Variants in OC90 observed in about 807,000 individuals in gnomAD.
OC90 encodes otoconin 90.
A neutral mutation model predicts 47.3 loss-of-function variants in OC90; 46 were observed. The ratio of observed to expected loss-of-function variants is 0.97; its 90% CI spans 0.77 to 1.24. The LOEUF is 1.24. Among genes scored for constraint, OC90 ranks in the 50% most tolerant of loss-of-function variants. The pLI, the probability that OC90 is intolerant of heterozygous loss-of-function variation, is 0.00. For missense variants in OC90, 688 were observed against 583.9 expected (o/e 1.18, Z -1.84); for synonymous variants, 271 against 219.5 (o/e 1.23, Z -2.07).
chr8:132,026,537 C>A (rs189014440), intron 13 of OC90, among the ~76,000 whole-genome samples: 1 of 152,326 alleles, frequency 6.6e-6, no homozygotes, highest in Non-Finnish European at 1.5e-5. Flanking sequence ...CTGCATTTGT[C>A]TTATGATAGC....
chr8:132,033,184 T>C lies in OC90; in HGVS notation c.734-20A>G, dbSNP rs1188580248. The C allele has an allele frequency of 1.9e-6, 3 of 1,598,802 alleles. No homozygotes were observed. The highest frequency in any genetic ancestry group is 1.1e-5 in the South Asian group (1 of 88,276). ...CAGATCCTGAAAATGAAAAACTTCA[T>C]GATTCGGATTCAAAAAGTGGCTCAA... is the stretch of plus-strand genomic sequence containing the variant. On this transcript the variant is annotated intron_variant, in intron 10 of 13. Coordinates refer to ENST00000254627, the MANE Select transcript of OC90 (RefSeq NM_001080399.3).
chr8:132,041,535 C>T lies in OC90; in HGVS notation c.334G>A (p.Glu112Lys). 6.2e-7 allele frequency: 1 copy of T among 1,611,036 alleles called. No homozygotes were observed. The highest frequency in any genetic ancestry group is 8.5e-7 in the Non-Finnish European group (1 of 1,178,570). The change falls in exon 5 of 14, where the codon GAA becomes AAA. Residue 112 changes from glutamate to lysine, a missense_variant. Glu to Lys is a moderately conservative substitution (Grantham distance 56). Transcript: ENST00000254627. Reference protein sequence around the residue: ...RFEMEGLPVDESDSCCFQHRR... With the variant: ...RFEMEGLPVDKSDSCCFQHRR... ...GTGGAACTCACTTACCTGTCAGATT[C>T]ATCCACAGGCAACCCTTCCATCTCA...
rs779384968 is a variant in OC90 at position 132,024,778 on chromosome 8, T to C, written c.1139-2A>G. 8 of 1,609,924 alleles carry C rather than the reference T, an allele frequency of 5.0e-6. No individual in the cohort carries two copies. The highest frequency in any genetic ancestry group is 6.8e-6 in the Non-Finnish European group (8 of 1,177,694). The stretch of plus-strand genomic sequence containing the variant: ...TCTCACACAGGCTTTGGCCCCCACC[T>C]TAGAAGGAAAGAGCAGAGTAGAAGC... On this transcript the variant is annotated splice_acceptor_variant, in intron 13 of 13. Transcript: ENST00000254627. LOFTEE classifies it high-confidence loss of function.
In OC90 at chr8:132,031,900, G is replaced by T. The variant is rs773532320; in HGVS notation, c.1012C>A (p.Pro338Thr). The T allele has an allele frequency of 6.2e-7, 1 of 1,613,872 alleles. No homozygotes were observed. The highest frequency in any genetic ancestry group is 8.5e-7 in the Non-Finnish European group (1 of 1,179,806). ...CYCGQEGRGE[P>T]RDDLDRCCLS... is the part of the protein sequence containing the mutation. ...CCATACCTGTCTAGGTCATCCCTTG[G>T]CTCGCCTCTTCCTTCTTGTCCACAG... The change falls in exon 12 of 14, where the codon CCA (proline) becomes ACA (threonine). Residue 338 changes from proline to threonine, a missense_variant. Pro to Thr is a conservative substitution (Grantham distance 38). Transcript: ENST00000254627.
rs573978323 is a variant in OC90, at chr8:132,043,602, G to A, written c.169+831C>T. ...ACAGGGTCACAAGACGGAGCTTAAG[G>A]GCATCAGGAGTAGTTTGTGAGGACC... is the stretch of plus-strand genomic sequence containing the variant. On this transcript the variant is annotated intron_variant, in intron 4 of 13. Transcript: ENST00000254627. 3.2e-4 allele frequency among the ~76,000 whole-genome samples: 48 copies of A among 152,240 alleles called. 1 individual carries two copies. The South Asian group carries it at 3.7e-3, about 12-fold the overall frequency.
intron 6 of OC90, among the ~76,000 whole-genome samples, 181 bp from the exon 7 acceptor site, chr8:132,039,304 C>A (rs2102103): frequency 2.6e-5 from 4 of 151,804 alleles, no homozygotes; most frequent in Admixed American, 2.6e-4. Flanking sequence ...GAGGTCCATA[C>A]CCACTCCTCT....
chr8:132,051,772 G>T (rs1823214371), intron 2 of OC90, among the ~76,000 whole-genome samples: 1 of 152,194 alleles, frequency 6.6e-6, no homozygotes, highest in South Asian at 2.1e-4. Context: ...GCAGTCCAAT[G>T]CTGGGAAGCA....
At position 132,024,496 on chromosome 8, in the gene OC90, A is replaced by G. The variant is rs11991659; in HGVS notation, c.1419T>C (p.Pro473=). ...CTCTGGGCATCTATCTTCCATGAAG[A>G]GGCCCGATCCCCAAGGGACCCAGTG... ...RKSLGPLGIG[P]LHGR Residue 473 remains proline, a synonymous_variant, in exon 14 of 14, where the codon CCT becomes CCC. Coordinates refer to ENST00000254627, the MANE Select transcript of OC90 (RefSeq NM_001080399.3). 0.013 allele frequency: 19,976 copies of G among 1,555,902 alleles called. 801 individuals carry two copies. In the African/African-American group the frequency reaches 0.14, roughly 11 times the overall value.
At chr8:132,026,665 G>C (rs1185818170) in intron 13 of OC90, among the ~76,000 whole-genome samples, 1 of 151,368 alleles carries the variant, frequency 6.6e-6, no homozygotes, top group Non-Finnish European at 1.5e-5. Flanking sequence ...CTGTGAATCA[G>C]TTCAATCTTC....
chr8:132,035,186 C>G (rs1217805153), intron 9 of OC90, among the ~76,000 whole-genome samples: 2 of 152,228 alleles, frequency 1.3e-5, no homozygotes, highest in Non-Finnish European at 2.9e-5. Context: ...ACAGAGACAG[C>G]AGAATTGCGT....
At chr8:132,047,095 G>A (rs1305916609) in intron 2 of OC90, among the ~76,000 whole-genome samples, 1 of 152,142 alleles carries the variant, frequency 6.6e-6, no homozygotes, top group Non-Finnish European at 1.5e-5. Flanking sequence ...TCATTCCCTT[G>A]GAGTTTCCAC....
rs576681965 is a variant in OC90 at position 132,036,701 on chromosome 8, G to A, written c.679+737C>T. ...TGGAACAGGTCCCTGTGGGAAGGAA[G>A]CTTAAGAGAGAGTTTAGAAGGAAAA... On this transcript the variant is annotated intron_variant, in intron 9 of 13. Coordinates refer to ENST00000254627, the MANE Select transcript of OC90 (RefSeq NM_001080399.3). Among the ~76,000 whole-genome samples the A allele has an allele frequency of 1.2e-4, 19 of 152,350 alleles. No individual in the cohort carries two copies. In the South Asian group the frequency reaches 3.7e-3, roughly 30 times the overall value.
At chr8:132,047,784 T>A (rs1046184150) in intron 2 of OC90, among the ~76,000 whole-genome samples, 4 of 152,182 alleles carry the variant, frequency 2.6e-5, no homozygotes, top group Admixed American at 1.3e-4. Flanking sequence ...ATTTAAAAAT[T>A]AGAATTATAA....
chr8:132,051,764 AG>A (rs1324140694), intron 2 of OC90, among the ~76,000 whole-genome samples: 1 of 152,178 alleles, frequency 6.6e-6, no homozygotes, highest in Non-Finnish European at 1.5e-5. Flanking sequence ...AACAAGTAGC[AG>A]TCCAATGCTG....
chr8:132,040,940 A>ATCT, intron 6 of OC90, 104 bp downstream of exon 6: 6 of 736,442 alleles, frequency 8.1e-6, no homozygotes, highest in Admixed American at 3.9e-5. Flanking sequence ...GCCAGTGGTG[A>ATCT]CGATGATGTG....
intron 9 of OC90, among the ~76,000 whole-genome samples, chr8:132,037,052 G>C (rs1244617831): frequency 2.0e-5 from 3 of 152,206 alleles, no homozygotes; most frequent in African/African-American, 7.2e-5. Flanking sequence ...CTCTCAGCCT[G>C]TTTCATAAAT....
At chr8:132,037,264 G>A (rs1399809879) in intron 9 of OC90, among the ~76,000 whole-genome samples, 174 bp downstream of exon 9, 1 of 152,204 alleles carries the variant, frequency 6.6e-6, no homozygotes, top group East Asian at 1.9e-4. Context: ...ATGGGGCCTG[G>A]TGGGAGGTGA....
chr8:132,026,500 T>G (rs1822760853), intron 13 of OC90, among the ~76,000 whole-genome samples: 1 of 152,164 alleles, frequency 6.6e-6, no homozygotes, highest in Non-Finnish European at 1.5e-5. Flanking sequence ...GAGGTCCTGT[T>G]CCCCAGAGCC....
In OC90 at chr8:132,051,413, C is replaced by T. The variant is rs369113723; in HGVS notation, c.46+3568G>A. Reference sequence around the variant, plus strand: ...ACAATTATTCCTAGGCTAATGAGACCTTCCTTTTTTGAAGCTTTGGCATTT... The same window carrying T: ...ACAATTATTCCTAGGCTAATGAGACTTTCCTTTTTTGAAGCTTTGGCATTT... On this transcript the variant is annotated intron_variant, in intron 2 of 13. Coordinates refer to ENST00000254627, the MANE Select transcript of OC90 (RefSeq NM_001080399.3). Among the ~76,000 whole-genome samples the T allele has an allele frequency of 2.3e-4, 35 of 152,310 alleles. No homozygotes were observed. In the East Asian group the frequency reaches 2.3e-3, roughly 10 times the overall value.
Sources: gnomAD v4.1 joint callset for allele counts (sites outside exome capture counted in the v4.1 genomes callset) on GRCh38, gnomAD v4.1.1 for gene constraint, MANE v1.5 for transcripts, NCBI Gene and HGNC (gene_info 2026-07-23, HGNC 2026-07-21) for gene names.